Variants in GALNT10 observed in about 807,000 individuals in gnomAD.
The protein encoded by GALNT10 is GalNAc transferase 10.
GALNT10 carries 41 observed loss-of-function variants against 75.0 expected under a neutral mutation model. The observed-to-expected ratio is 0.55, with a 90% CI of 0.43 to 0.71. The LOEUF is 0.71. Among genes scored for constraint, GALNT10 ranks in the 30% least tolerant of loss-of-function variants. GALNT10 has a pLI of 0.00. For synonymous variants in GALNT10, 302 were observed against 313.0 expected (o/e 0.96, Z 0.37); for missense variants, 727 against 818.5 (o/e 0.89, Z 1.36).
chr5:154,306,510 G>T (rs759800396), intron 3 of GALNT10, among the ~76,000 whole-genome samples: 1 of 152,128 alleles, frequency 6.6e-6, no homozygotes, highest in Non-Finnish European at 1.5e-5. Flanking sequence ...ATCAGAATTT[G>T]TGGAATGTCA....
chr5:154,291,330 C>T (rs746817659), intron 1 of GALNT10, among the ~76,000 whole-genome samples: 33 of 152,168 alleles, frequency 2.2e-4, no homozygotes, highest in Non-Finnish European at 4.4e-4. Context: ...GGTTGCCTAA[C>T]CCTTGCTACT....
chr5:154,317,339 C>T (rs1754608522), intron 3 of GALNT10, among the ~76,000 whole-genome samples: 1 of 152,144 alleles, frequency 6.6e-6, no homozygotes, highest in Admixed American at 6.5e-5. Flanking sequence ...TGAAATACTT[C>T]TCTTGTATTT....
chr5:154,398,505 C>G (rs1009172787), intron 7 of GALNT10, among the ~76,000 whole-genome samples: 1 of 152,128 alleles, frequency 6.6e-6, no homozygotes, highest in Non-Finnish European at 1.5e-5. Context: ...ATACAGGGAC[C>G]CTGCCCCACC....
intron 3 of GALNT10, among the ~76,000 whole-genome samples, chr5:154,310,153 A>G (rs1385687364): frequency 1.3e-5 from 2 of 152,294 alleles, no homozygotes; most frequent in South Asian, 2.1e-4. Context: ...TCCATAGAAT[A>G]GAGACAGGCT....
At chr5:154,244,406 A>C (rs1322912332) in intron 1 of GALNT10, among the ~76,000 whole-genome samples, 1 of 152,096 alleles carries the variant, frequency 6.6e-6, no homozygotes, top group Non-Finnish European at 1.5e-5. Context: ...GTCTCTAAAA[A>C]ATTTTTTTTT....
At chr5:154,392,521 T>C (rs10072289) in intron 7 of GALNT10, 91,463 of 152,024 alleles carry the variant, frequency 0.6, 28,408 homozygotes, top group African/African-American at 0.76. Flanking sequence ...GTTTCACCTC[T>C]GGTCCTCATA....
intron 1 of GALNT10, among the ~76,000 whole-genome samples, chr5:154,192,607 G>A (rs1485823710): frequency 3.9e-5 from 6 of 152,178 alleles, no homozygotes; most frequent in Non-Finnish European, 8.8e-5. Flanking sequence ...TATTGGTCCA[G>A]TTCTAACATT....
chr5:154,303,753 C>T (rs1754393026), intron 3 of GALNT10, among the ~76,000 whole-genome samples: 1 of 152,164 alleles, frequency 6.6e-6, no homozygotes, highest in Non-Finnish European at 1.5e-5. Flanking sequence ...CAGAACAAAG[C>T]TTGATAATAC....
At chr5:154,413,394 T>C (rs1756442441) in intron 10 of GALNT10, among the ~76,000 whole-genome samples, 1 of 152,170 alleles carries the variant, frequency 6.6e-6, no homozygotes, top group Admixed American at 6.5e-5. Flanking sequence ...AGCAGCCCCA[T>C]GGATAGGCAT....
chr5:154,317,255 T>C (rs1451188086), intron 3 of GALNT10, among the ~76,000 whole-genome samples: 1 of 152,214 alleles, frequency 6.6e-6, no homozygotes, highest in Admixed American at 6.5e-5. Context: ...TGCCAGGGAA[T>C]TGAATGTATG....
At chr5:154,285,880 T>G (rs1754103572) in intron 1 of GALNT10, among the ~76,000 whole-genome samples, 1 of 152,210 alleles carries the variant, frequency 6.6e-6, no homozygotes, top group South Asian at 2.1e-4. Context: ...TGCTTCTCTG[T>G]GCACCACACA....
chr5:154,337,393 C>G (rs1185752648), intron 4 of GALNT10: 2 of 576,010 alleles, frequency 3.5e-6, no homozygotes, highest in Admixed American at 4.7e-5. Flanking sequence ...GTTCACAAAT[C>G]TGATATAACC....
intron 1 of GALNT10, among the ~76,000 whole-genome samples, chr5:154,226,761 C>A (rs1007174368): frequency 1.3e-5 from 2 of 152,144 alleles, no homozygotes; most frequent in African/African-American, 2.4e-5. Flanking sequence ...GAAAACATCA[C>A]CACCTCAAGA....
rs900207358 is a variant in GALNT10, at chr5:154,418,911, G to C, written c.*1939G>C. On this transcript the variant is annotated 3_prime_UTR_variant, in exon 12 of 12. Coordinates refer to ENST00000297107, the MANE Select transcript of GALNT10 (RefSeq NM_198321.4). ...CCTTCTAGAATCTAGGATAACAAGAGTGTTGACAGTTTGAGGAGTCGAATT... is the reference window on the plus strand; with the variant it reads ...CCTTCTAGAATCTAGGATAACAAGACTGTTGACAGTTTGAGGAGTCGAATT... 3 of 152,740 alleles carry C rather than the reference G, an allele frequency of 2.0e-5. No individual in the cohort carries two copies. The highest frequency in any genetic ancestry group is 2.1e-4 in the South Asian group (1 of 4,830). 9.5% of individuals were successfully genotyped at this position (152,740 alleles called of 1,614,324 possible). A position where few individuals can be genotyped will look rare whatever the true frequency, so the allele number is the denominator to read the frequency against.
At chr5:154,349,030 G>A (rs1581986490) in intron 4 of GALNT10, among the ~76,000 whole-genome samples, 2 of 152,162 alleles carry the variant, frequency 1.3e-5, no homozygotes, top group East Asian at 3.9e-4. Context: ...TCCTAAGGGG[G>A]TGGCTCAAGG....
intron 4 of GALNT10, among the ~76,000 whole-genome samples, chr5:154,370,049 G>A (rs538027631): frequency 1.3e-5 from 2 of 152,272 alleles, no homozygotes; most frequent in African/African-American, 4.8e-5. Context: ...TGATTACACA[G>A]AGTAGTGAAG....
intron 7 of GALNT10, chr5:154,387,889 T>C (rs1056602803): frequency 4.9e-5 from 7 of 141,526 alleles, no homozygotes; most frequent in African/African-American, 7.8e-5. Context: ...ATATCCTTTT[T>C]TTTTCTTTTC....
intron 7 of GALNT10, chr5:154,388,623 A>T (rs1755842276): frequency 6.6e-6 from 1 of 151,806 alleles, no homozygotes; most frequent in Non-Finnish European, 1.5e-5. Context: ...TTGTTGTTTA[A>T]ATCATACCCA....
chr5:154,238,033 C>A (rs1753274130), intron 1 of GALNT10, among the ~76,000 whole-genome samples: 1 of 152,220 alleles, frequency 6.6e-6, no homozygotes, highest in South Asian at 2.1e-4. Flanking sequence ...CTGCTGCCTG[C>A]ATACCCGGCA....
Sources: allele counts gnomAD v4.1 joint callset (sites outside exome capture counted in the v4.1 genomes callset), GRCh38; gene constraint gnomAD v4.1.1; transcripts MANE v1.5; gene names NCBI Gene and HGNC (gene_info 2026-07-23, HGNC 2026-07-21).